The following UQCC1 variants were observed in gnomAD, a reference collection of about 807,000 sequenced individuals.
UQCC1 encodes the protein bFGF-repressed Zic-binding protein.
UQCC1 carries 38 observed loss-of-function variants against 48.0 expected under a neutral mutation model. That is an observed-to-expected ratio of 0.79 (90% CI 0.61 to 1.04). The LOEUF (loss-of-function observed/expected upper bound fraction) is 1.04. Among genes scored for constraint, UQCC1 ranks in the 50% least tolerant of loss-of-function variants. The pLI is 0.00. For missense variants in UQCC1, 368 were observed against 381.8 expected (o/e 0.96, Z 0.30); for synonymous variants, 111 against 129.2 (o/e 0.86, Z 0.95).
At chr20:35,367,491 G>A (rs1430101199) in intron 5 of UQCC1, among the ~76,000 whole-genome samples, 1 of 152,140 alleles carries the variant, frequency 6.6e-6, no homozygotes, top group Admixed American at 6.6e-5. Context: ...GGGTGCAGTG[G>A]CTCACACTTG....
chr20:35,338,671 C>A (rs961926912), intron 7 of UQCC1, among the ~76,000 whole-genome samples: 2 of 150,314 alleles, frequency 1.3e-5, no homozygotes, highest in African/African-American at 2.5e-5. Context: ...CATGCTGAAA[C>A]CCCGTCTCTA....
At chr20:35,387,292 T>A (rs556975116) in intron 2 of UQCC1, among the ~76,000 whole-genome samples, 1 of 150,996 alleles carries the variant, frequency 6.6e-6, no homozygotes, top group Non-Finnish European at 1.5e-5. Context: ...TCTCAAAAAA[T>A]AAAAATAAAA....
At chr20:35,353,664 C>T (rs570095530) in intron 6 of UQCC1, among the ~76,000 whole-genome samples, 6 of 151,572 alleles carry the variant, frequency 4.0e-5, no homozygotes, top group Admixed American at 3.3e-4. Flanking sequence ...TGGTGGTAAG[C>T]GTCTGTAGTC....
intron 7 of UQCC1, among the ~76,000 whole-genome samples, chr20:35,338,862 A>G (rs2061342980): frequency 4.2e-5 from 2 of 47,182 alleles, no homozygotes; most frequent in Admixed American, 1.7e-4. Context: ...AAAAGAAAAA[A>G]AAAAAAAAAA....
chr20:35,397,821 G>A (rs964161628), intron 1 of UQCC1, among the ~76,000 whole-genome samples: 3 of 152,148 alleles, frequency 2.0e-5, no homozygotes, highest in African/African-American at 7.2e-5. Flanking sequence ...TGTACTAGGA[G>A]TCAAAGATTC....
intron 1 of UQCC1, among the ~76,000 whole-genome samples, chr20:35,408,680 C>T (rs1034508778): frequency 2.6e-5 from 4 of 151,118 alleles, no homozygotes; most frequent in Admixed American, 2.6e-4. Flanking sequence ...AAGGAGACCC[C>T]ATCTCTACAA....
intron 1 of UQCC1, among the ~76,000 whole-genome samples, chr20:35,407,552 A>G (rs943886338): frequency 6.6e-6 from 1 of 152,228 alleles, no homozygotes; most frequent in Non-Finnish European, 1.5e-5. Flanking sequence ...GGAAAAATAC[A>G]TGCAAATCAT....
At chr20:35,324,548 G>C (rs939232537) in intron 7 of UQCC1, among the ~76,000 whole-genome samples, 1 of 152,108 alleles carries the variant, frequency 6.6e-6, no homozygotes, top group Non-Finnish European at 1.5e-5. Flanking sequence ...GGATGGTCTC[G>C]ATCTCCTGAC....
intron 4 of UQCC1, among the ~76,000 whole-genome samples, chr20:35,374,727 C>T (rs1012757200): frequency 3.9e-5 from 6 of 151,924 alleles, no homozygotes; most frequent in East Asian, 1.9e-4. Context: ...ATGGAGTAAG[C>T]GGTATCTTTT....
intron 6 of UQCC1, among the ~76,000 whole-genome samples, chr20:35,366,146 A>G (rs762796913): frequency 5.3e-5 from 8 of 152,208 alleles, no homozygotes; most frequent in Non-Finnish European, 1.2e-4. Context: ...TACAGGCGTA[A>G]ATGTCAGTGC....
At chr20:35,352,980 CTA>C (rs1298866580) in intron 6 of UQCC1, among the ~76,000 whole-genome samples, 2 of 151,838 alleles carry the variant, frequency 1.3e-5, no homozygotes, top group Non-Finnish European at 2.9e-5. Context: ...GCGCCCAGCT[CTA>C]TGTCTTAATT....
At chr20:35,346,850 C>T in intron 7 of UQCC1, 1 of 766,118 alleles carries the variant, frequency 1.3e-6, no homozygotes, top group South Asian at 1.9e-5. Flanking sequence ...GTATCCTTAA[C>T]TGGATTATCA....
intron 6 of UQCC1, among the ~76,000 whole-genome samples, chr20:35,347,674 A>G (rs2061446066): frequency 6.6e-6 from 1 of 152,144 alleles, no homozygotes; most frequent in Non-Finnish European, 1.5e-5. Context: ...CACCAGTTTT[A>G]TATCCGTAAA....
chr20:35,312,500 C>T (rs565194029), intron 8 of UQCC1, among the ~76,000 whole-genome samples: 1 of 152,250 alleles, frequency 6.6e-6, no homozygotes, highest in South Asian at 2.1e-4. Flanking sequence ...AAAAAGAAAT[C>T]CCCACCCAGC....
chr20:35,387,201 G>A (rs553365246), intron 2 of UQCC1, among the ~76,000 whole-genome samples: 48 of 152,072 alleles, frequency 3.2e-4, no homozygotes, highest in African/African-American at 1.1e-3. Context: ...CAGGAGAATC[G>A]TTTGAACCCA....
In UQCC1 at chr20:35,410,704, C is replaced by CAAAAAAAAAAA. The variant is rs1183843739; in HGVS notation, c.24+1225_24+1235dup. ...TCGGCGACAGAGCAAGACTCTGCCT[C>CAAAAAAAAAAA]AAAAAAAAAAAAAAAAAAAACAAAA... On this transcript the variant is annotated intron_variant, in intron 1 of 9. Transcript: ENST00000374385. Among the ~76,000 whole-genome samples the CAAAAAAAAAAA allele has an allele frequency of 2.2e-3, 6 of 2,710 alleles. 1 individual carries two copies. The highest frequency in any genetic ancestry group is 0.013 in the Admixed American group (2 of 154). The allele number at this position is 2,710 out of a possible 152,430, so 1.8% of individuals were successfully genotyped here.
At chr20:35,322,987 AC>A (rs2061148429) in intron 7 of UQCC1, among the ~76,000 whole-genome samples, 1 of 151,908 alleles carries the variant, frequency 6.6e-6, no homozygotes, top group Admixed American at 6.6e-5. Flanking sequence ...AGCTGGGACT[AC>A]AGGCGCCTAC....
At position 35,303,453 on chromosome 20, in the gene UQCC1, G is replaced by GCAGA. The variant is rs1160427571; in HGVS notation, c.*478_*481dup. 3 of 163,054 alleles carry GCAGA rather than the reference G, an allele frequency of 1.8e-5. No individual in the cohort carries two copies. The East Asian group carries it at 4.9e-4, about 26-fold the overall frequency. The allele number at this position is 163,054 out of a possible 1,614,324, so 10.1% of individuals were successfully genotyped here. A position where few individuals can be genotyped will look rare whatever the true frequency, so the allele number is the denominator to read the frequency against. On this transcript the variant is annotated 3_prime_UTR_variant, in exon 10 of 10. Transcript: ENST00000374385. ...GTCCCTGGAATAAAGAAGGGCCATGGCAGAGAGAAGTCTCTGTTTCTTTTA... is the reference window on the plus strand; with the variant it reads ...GTCCCTGGAATAAAGAAGGGCCATGGCAGACAGAGAGAAGTCTCTGTTTCTTTTA...
intron 7 of UQCC1, among the ~76,000 whole-genome samples, chr20:35,321,339 A>C (rs762028540): frequency 1.3e-5 from 2 of 152,088 alleles, no homozygotes; most frequent in Non-Finnish European, 2.9e-5. Context: ...TTCCAGAAAA[A>C]GTTGTTAATA....
Sources: gnomAD v4.1 joint callset for allele counts (sites outside exome capture counted in the v4.1 genomes callset) on GRCh38, gnomAD v4.1.1 for gene constraint, MANE v1.5 for transcripts, NCBI Gene and HGNC (gene_info 2026-07-23, HGNC 2026-07-21) for gene names.